Variants in MTUS2 observed in about 807,000 individuals in gnomAD.
The protein encoded by MTUS2 is microtubule-associated tumor suppressor candidate 2.
In MTUS2, 40 loss-of-function variants were observed where a neutral mutation model predicts 114.1. The observed-to-expected ratio is 0.35, with a 90% CI of 0.27 to 0.46. MTUS2 has a LOEUF of 0.46. Among genes scored for constraint, MTUS2 ranks in the 20% least tolerant of loss-of-function variants. MTUS2 has a pLI of 1.00. For synonymous variants in MTUS2, 688 were observed against 672.0 expected (o/e 1.02, Z -0.37); for missense variants, 1,679 against 1,705.4 (o/e 0.98, Z 0.27).
intron 6 of MTUS2, among the ~76,000 whole-genome samples, chr13:29,291,915 C>G (rs565993175): frequency 1.3e-5 from 2 of 152,224 alleles, no homozygotes; most frequent in African/African-American, 2.4e-5. Context: ...GCCCTCCTTG[C>G]ATTTCAAAAT....
intron 5 of MTUS2, among the ~76,000 whole-genome samples, chr13:29,278,723 T>C (rs1898157880): frequency 6.6e-6 from 1 of 152,008 alleles, no homozygotes. Flanking sequence ...AGTTTTTCAC[T>C]GTCAGTGGAA....
intron 5 of MTUS2, among the ~76,000 whole-genome samples, chr13:29,123,885 C>A (rs1327566270): frequency 1.3e-5 from 2 of 152,196 alleles, no homozygotes; most frequent in Non-Finnish European, 2.9e-5. Flanking sequence ...GGCTGCCATC[C>A]CCCTGCAGAT....
chr13:28,867,650 A>G (rs568485253), intron 2 of MTUS2, among the ~76,000 whole-genome samples: 3 of 152,332 alleles, frequency 2.0e-5, no homozygotes, highest in African/African-American at 7.2e-5. Context: ...CTGTAATAAT[A>G]ATAAGAATAT....
chr13:28,849,070 T>C (rs1164779693), intron 2 of MTUS2, among the ~76,000 whole-genome samples: 4 of 152,232 alleles, frequency 2.6e-5, no homozygotes, highest in Non-Finnish European at 5.9e-5. Flanking sequence ...TCACTTAGCA[T>C]GTTTTGGAGA....
At chr13:29,347,810 T>C (rs566045642) in intron 7 of MTUS2, among the ~76,000 whole-genome samples, 3 of 152,270 alleles carry the variant, frequency 2.0e-5, no homozygotes, top group South Asian at 2.1e-4. Context: ...TCTCACAATC[T>C]CCTCCATAAG....
At chr13:29,217,957 A>C (rs1342131976) in intron 5 of MTUS2, among the ~76,000 whole-genome samples, 1 of 152,166 alleles carries the variant, frequency 6.6e-6, no homozygotes, top group Non-Finnish European at 1.5e-5. Context: ...GTCTCCACAA[A>C]GAAATTTTAA....
chr13:29,157,354 A>T (rs1441351199), intron 5 of MTUS2, among the ~76,000 whole-genome samples: 1 of 152,200 alleles, frequency 6.6e-6, no homozygotes. Context: ...CCAATTCTCC[A>T]CATACTCACC....
intron 2 of MTUS2, among the ~76,000 whole-genome samples, chr13:29,000,726 G>C (rs752025771): frequency 2.6e-5 from 4 of 152,156 alleles, no homozygotes; most frequent in Admixed American, 6.5e-5. Context: ...GTTAGGACCT[G>C]GATGTCACCC....
intron 2 of MTUS2, among the ~76,000 whole-genome samples, chr13:28,899,496 G>A (rs1255003050): frequency 3.9e-5 from 6 of 151,996 alleles, no homozygotes; most frequent in Admixed American, 1.3e-4. Context: ...TGCAAGCTCC[G>A]CCTCCCAGGT....
At chr13:29,311,680 A>G (rs540338091) in intron 6 of MTUS2, among the ~76,000 whole-genome samples, 1 of 152,342 alleles carries the variant, frequency 6.6e-6, no homozygotes. Flanking sequence ...ACCATAAGCA[A>G]TAGAAGCCAA....
rs965666497 is a variant in MTUS2, at chr13:29,024,946, G to T, written c.248G>T (p.Gly83Val). The T allele has an allele frequency of 4.3e-6, 7 of 1,613,688 alleles. No individual in the cohort carries two copies. In the African/African-American group the frequency reaches 9.3e-5, roughly 22 times the overall value. ...HFHKEFHQLQGFGKGSQAGSA... is the reference protein window; with the variant it reads ...HFHKEFHQLQVFGKGSQAGSA... ...CATAAGGAATTTCACCAACTTCAGG[G>T]CTTTGGGAAAGGCTCTCAGGCTGGC... is the stretch of plus-strand genomic sequence containing the variant. Residue 83 changes from glycine (G) to valine (V), a missense_variant, in exon 3 of 16, where the codon GGC (glycine) becomes GTC (valine). This residue lies in a region of MTUS2 where 843 missense variants were observed against 770.8 expected (regional missense o/e 1.09). Coordinates refer to ENST00000612955, the MANE Select transcript of MTUS2 (RefSeq NM_001033602.4).
At chr13:29,197,664 A>G (rs1894759342) in intron 5 of MTUS2, among the ~76,000 whole-genome samples, 1 of 152,070 alleles carries the variant, frequency 6.6e-6, no homozygotes, top group African/African-American at 2.4e-5. Context: ...GAACTAATTC[A>G]CACTCCCACC....
chr13:29,286,668 G>GTCTATCTATCTATCTATCTA (rs746176943), intron 6 of MTUS2, among the ~76,000 whole-genome samples: 577 of 78,960 alleles, frequency 7.3e-3, no homozygotes, highest in African/African-American at 0.014. Context: ...CTGTCTGTCT[G>GTCTATCTATCTATCTATCTA]TCTGTCTATC....
intron 2 of MTUS2, among the ~76,000 whole-genome samples, chr13:28,928,035 C>T (rs1453349176): frequency 6.6e-6 from 1 of 152,068 alleles, no homozygotes; most frequent in African/African-American, 2.4e-5. Flanking sequence ...GCTGGGAAAA[C>T]TAGATATCCA....
At chr13:29,013,879 A>G (rs1885957108) in intron 2 of MTUS2, among the ~76,000 whole-genome samples, 2 of 152,184 alleles carry the variant, frequency 1.3e-5, no homozygotes, top group Non-Finnish European at 2.9e-5. Context: ...TTTTCTTACC[A>G]TTACATGGTA....
chr13:29,100,724 T>A lies in MTUS2; in HGVS notation c.2447-49T>A, dbSNP rs1411474318. 2.6e-6 allele frequency: 4 copies of A among 1,531,570 alleles called. No homozygotes were observed. In the Admixed American group the frequency reaches 6.2e-5, roughly 24 times the overall value. The allele number at this position is 1,531,570 out of a possible 1,614,324, so 94.9% of individuals were successfully genotyped here. On this transcript the variant is annotated intron_variant, in intron 4 of 15. Coordinates refer to ENST00000612955, the MANE Select transcript of MTUS2 (RefSeq NM_001033602.4). ...TTCATAATCTGTAGAATTCATTATC[T>A]CATTATGAACTGAGAATAATTTTTT...
intron 5 of MTUS2, among the ~76,000 whole-genome samples, chr13:29,263,266 C>T (rs1897543597): frequency 6.6e-6 from 1 of 152,264 alleles, no homozygotes; most frequent in South Asian, 2.1e-4. Flanking sequence ...TTCCCAGCCC[C>T]TGTCCTATAG....
At chr13:29,107,792 G>T (rs1022050458) in intron 5 of MTUS2, among the ~76,000 whole-genome samples, 9 of 152,106 alleles carry the variant, frequency 5.9e-5, no homozygotes, top group Admixed American at 5.9e-4. Flanking sequence ...TTTTGAGGAG[G>T]TTAGATATTC....
chr13:29,369,734 C>T (rs1871049204), intron 8 of MTUS2, among the ~76,000 whole-genome samples: 1 of 152,136 alleles, frequency 6.6e-6, no homozygotes, highest in Admixed American at 6.5e-5. Context: ...CATTTAAAAT[C>T]CAAAATAGTG....
Sources: gnomAD v4.1 joint callset for allele counts (sites outside exome capture counted in the v4.1 genomes callset) on GRCh38, gnomAD v4.1.1 for gene constraint, gnomAD v4.1.1 regional missense constraint, MANE v1.5 for transcripts, NCBI Gene and HGNC (gene_info 2026-07-23, HGNC 2026-07-21) for gene names.